Variants in CKLF observed in about 807,000 individuals in gnomAD.
CKLF encodes the protein chemokine-like factor.
A neutral mutation model predicts 12.9 loss-of-function variants in CKLF; 16 were observed. That is an observed-to-expected ratio of 1.24 (90% CI 0.84 to 1.88). CKLF has a LOEUF of 1.88. Among genes scored for constraint, CKLF ranks in the 40% most tolerant of loss-of-function variants. The pLI, the probability that CKLF is intolerant of heterozygous loss-of-function variation, is 0.00. For missense variants in CKLF, 172 were observed against 188.5 expected (o/e 0.91, Z 0.51); for synonymous variants, 61 against 69.0 (o/e 0.88, Z 0.57).
At chr16:66,556,366 A>T (rs2011453967) in intron 1 of CKLF, among the ~76,000 whole-genome samples, 1 of 152,258 alleles carries the variant, frequency 6.6e-6, no homozygotes, top group Non-Finnish European at 1.5e-5. Context: ...GAAATCACTG[A>T]TGTTAGCAAA....
intron 2 of CKLF, among the ~76,000 whole-genome samples, chr16:66,559,039 TCTC>T (rs1011905494): frequency 6.6e-6 from 1 of 152,082 alleles, no homozygotes; most frequent in African/African-American, 2.4e-5. Context: ...CTGAGTGACT[TCTC>T]CTCTGTCCTC....
intron 1 of CKLF, among the ~76,000 whole-genome samples, chr16:66,554,619 G>T (rs79692978): frequency 6.6e-6 from 1 of 152,234 alleles, no homozygotes. Flanking sequence ...AAGGTGGTAC[G>T]TGCAGTGGAA....
At chr16:66,565,775 A>T in intron 3 of CKLF, 111 bp from the exon 4 acceptor site, 1 of 945,694 alleles carries the variant, frequency 1.1e-6, no homozygotes, top group Non-Finnish European at 1.7e-6. Flanking sequence ...ACAGGGAGCA[A>T]TCCGAGTACC....
At chr16:66,553,931 A>G (rs2011300097) in intron 1 of CKLF, among the ~76,000 whole-genome samples, 1 of 152,254 alleles carries the variant, frequency 6.6e-6, no homozygotes. Flanking sequence ...GTTGAGATAC[A>G]TAAGAGGTTT....
intron 3 of CKLF, chr16:66,565,614 C>A: frequency 2.3e-6 from 1 of 443,148 alleles, no homozygotes. Flanking sequence ...TAAAAGCAAA[C>A]AAGTATGGAT....
At chr16:66,564,810 C>G (rs1374176913) in intron 3 of CKLF, among the ~76,000 whole-genome samples, 1 of 152,156 alleles carries the variant, frequency 6.6e-6, no homozygotes, top group Non-Finnish European at 1.5e-5. Flanking sequence ...GTTAAAAAAT[C>G]TTTAATTATG....
intron 1 of CKLF, among the ~76,000 whole-genome samples, chr16:66,557,072 T>C (rs1005759524): frequency 6.6e-6 from 1 of 152,202 alleles, no homozygotes; most frequent in African/African-American, 2.4e-5. Flanking sequence ...CCACTTAAAA[T>C]AGCATAGATT....
rs375749120 is a variant in CKLF at position 66,552,841 on chromosome 16, G to T, written c.78+48G>T. The T allele has an allele frequency of 3.8e-4, 615 of 1,613,254 alleles. 1 individual carries two copies. Among genetic ancestry groups the T allele is most frequent in the Non-Finnish European group, 5.1e-4 (597 of 1,179,612 alleles). ...GGGAGGCTGATGAAGCTGCTGGGGG[G>T]CGGGAGATGTGGGTGTGAAGTGCAA... On this transcript the variant is annotated intron_variant, in intron 1 of 3. Transcript: ENST00000264001.
chr16:66,557,130 A>G (rs1206943479), intron 1 of CKLF, among the ~76,000 whole-genome samples: 3 of 152,104 alleles, frequency 2.0e-5, no homozygotes, highest in African/African-American at 7.2e-5. Context: ...TACTTTGGTA[A>G]TAAAGCTATT....
intron 2 of CKLF, among the ~76,000 whole-genome samples, chr16:66,561,305 C>T (rs2011701316): frequency 1.3e-5 from 2 of 151,784 alleles, no homozygotes; most frequent in South Asian, 4.2e-4. Flanking sequence ...AAAAGCCAGT[C>T]AACCCATGGC....
At chr16:66,553,137 G>A (rs568764476) in intron 1 of CKLF, among the ~76,000 whole-genome samples, 1 of 152,142 alleles carries the variant, frequency 6.6e-6, no homozygotes, top group Non-Finnish European at 1.5e-5. Context: ...ACAAGCCTAG[G>A]CGACAGAGAG....
At chr16:66,563,258 C>T in intron 3 of CKLF, 41 bp downstream of exon 3, 1 of 1,603,280 alleles carries the variant, frequency 6.2e-7, no homozygotes, top group Non-Finnish European at 8.5e-7. Flanking sequence ...CAGGTTTTAT[C>T]AGAATGCAAA....
chr16:66,556,187 C>T (rs958189471), intron 1 of CKLF, among the ~76,000 whole-genome samples: 8 of 150,966 alleles, frequency 5.3e-5, no homozygotes, highest in African/African-American at 7.3e-5. Flanking sequence ...TTTAAAATCT[C>T]GGAGAACTGA....
chr16:66,554,132 AC>A (rs1342765239), intron 1 of CKLF, among the ~76,000 whole-genome samples: 1 of 152,208 alleles, frequency 6.6e-6, no homozygotes, highest in Non-Finnish European at 1.5e-5. Context: ...CTCTCAACAA[AC>A]CATTTGAATA....
intron 1 of CKLF, among the ~76,000 whole-genome samples, chr16:66,556,155 C>G (rs2011444232): frequency 6.6e-6 from 1 of 151,696 alleles, no homozygotes; most frequent in Non-Finnish European, 1.5e-5. Flanking sequence ...AAGAACCCAC[C>G]AAGAGAGAAC....
chr16:66,566,249 C>A (rs2012301126), downstream of CKLF: 2 of 1,462,188 alleles, frequency 1.4e-6, no homozygotes, highest in South Asian at 2.8e-5. This position sits in a 1 kb window ranked among gnomAD's most constrained non-coding sequence, Gnocchi z 4.9. Context: ...CCTCAGGGAT[C>A]TTTGAATCTC....
chr16:66,564,906 G>GCTTA (rs1287887239), intron 3 of CKLF, among the ~76,000 whole-genome samples: 1 of 152,190 alleles, frequency 6.6e-6, no homozygotes, highest in Admixed American at 6.5e-5. Flanking sequence ...GTTGCTTAGA[G>GCTTA]CTTAACACAG....
At position 66,552,613 on chromosome 16, in the gene CKLF, G is replaced by A; in HGVS notation, c.-103G>A. ...AGCTGGGCGAGAAGTAGGGGAGGGC[G>A]GTGCTCCGCCGCGGTGGCGGTTGCT... On this transcript the variant is annotated 5_prime_UTR_variant, in exon 1 of 4. Transcript: ENST00000264001. 1.3e-6 allele frequency: 2 copies of A among 1,568,850 alleles called. No individual in the cohort carries two copies. The highest frequency in any genetic ancestry group is 1.7e-6 in the Non-Finnish European group (2 of 1,144,170).
intron 1 of CKLF, among the ~76,000 whole-genome samples, chr16:66,554,278 A>G (rs2011320884): frequency 6.6e-6 from 1 of 152,240 alleles, no homozygotes; most frequent in African/African-American, 2.4e-5. Context: ...ATGTGATAAG[A>G]TGGAGATAGA....
Sources: gnomAD v4.1 joint callset for allele counts (sites outside exome capture counted in the v4.1 genomes callset) on GRCh38, gnomAD v4.1.1 for gene constraint, Gnocchi (gnomAD v3.1) non-coding constraint, MANE v1.5 for transcripts, NCBI Gene and HGNC (gene_info 2026-07-23, HGNC 2026-07-21) for gene names.